EMID1: variants seen among roughly 807,000 people sequenced by gnomAD.
EMID1 encodes EMI domain containing 1.
In EMID1, 40 loss-of-function variants were observed where a neutral mutation model predicts 60.6. The observed-to-expected ratio is 0.66, with a 90% confidence interval of 0.51 to 0.86. The LOEUF is 0.86. EMID1 is among the 40% of genes least tolerant of loss of function. EMID1 has a pLI of 0.00. For synonymous variants in EMID1, 242 were observed against 231.0 expected, an observed-to-expected ratio of 1.05 and a Z score of -0.43; for missense variants, 585 against 597.1, an observed-to-expected ratio of 0.98 and a Z score of 0.21.
At chr22:29,233,723 A>G in intron 10 of EMID1, 57 bp downstream of exon 10, 1 of 1,467,296 alleles carries the variant, frequency 6.8e-7, no homozygotes, top group Non-Finnish European at 9.5e-7. Context: ...CCATCTATGC[A>G]TACATCCATA....
rs372024486 is a variant in EMID1, at chr22:29,259,326, G to A, written c.*382G>A. On this transcript the variant is annotated 3_prime_UTR_variant, in exon 15 of 15. Transcript: ENST00000334018. ...GGGGGCAGTCTTCCTCCCCCTCCCCGACCAAACCTCGGGGAGCCCTCCTGT... is the reference window on the plus strand; with the variant it reads ...GGGGGCAGTCTTCCTCCCCCTCCCCAACCAAACCTCGGGGAGCCCTCCTGT... 2.5e-4 allele frequency: 58 copies of A among 236,204 alleles called. No homozygotes were observed. The highest frequency in any genetic ancestry group is 3.5e-4 in the African/African-American group (15 of 42,538). The allele number at this position is 236,204 out of a possible 1,614,324, so 14.6% of individuals were successfully genotyped here.
Position 29,254,735 on chromosome 22 carries a change from C to T in EMID1, c.1204+448C>T, listed in dbSNP as rs140147326. On this transcript the variant is annotated intron_variant, in intron 14 of 14. Transcript: ENST00000334018. ...GAGGATTATAGGTAATGGATCCAGA[C>T]TCTAGTCAGCCTTCAGCTCTAGAGA... The T allele has an allele frequency of 2.9e-3, 546 of 185,300 alleles. 2 individuals carry two copies. Among genetic ancestry groups the T allele is most frequent in the Admixed American group, 4.6e-3 (85 of 18,392 alleles). 11.5% of individuals were successfully genotyped at this position (185,300 alleles called of 1,614,324 possible).
At chr22:29,215,281 G>T (rs1166746879) in intron 2 of EMID1, 1 of 985,240 alleles carries the variant, frequency 1.0e-6, no homozygotes, top group Non-Finnish European at 1.2e-6. Context: ...GAGTATTCAC[G>T]CTGGGCTCAG....
intron 12 of EMID1, among the ~76,000 whole-genome samples, chr22:29,236,836 G>A (rs369557692): frequency 8.4e-5 from 12 of 142,582 alleles, no homozygotes; most frequent in African/African-American, 2.4e-4. Flanking sequence ...TTGCTCTGTC[G>A]CCCAGGCTGG....
chr22:29,225,031 C>A, intron 3 of EMID1, 102 bp from the exon 4 acceptor site: 1 of 1,196,294 alleles, frequency 8.4e-7, no homozygotes, highest in Non-Finnish European at 1.2e-6. Context: ...GTGTCCTACG[C>A]TGAGGGCAGT....
chr22:29,257,586 C>T (rs1293315067), intron 14 of EMID1, among the ~76,000 whole-genome samples: 2 of 152,170 alleles, frequency 1.3e-5, no homozygotes, highest in South Asian at 2.1e-4. Context: ...GCCACTCATC[C>T]AGGGCCCCAA....
intron 12 of EMID1, among the ~76,000 whole-genome samples, chr22:29,235,547 G>T: frequency 6.6e-6 from 1 of 150,738 alleles, no homozygotes; most frequent in Non-Finnish European, 1.5e-5. Flanking sequence ...GTCTTCTTTT[G>T]GATTGAGTAC....
At chr22:29,255,208 G>GGGGCCCC in intron 14 of EMID1, 1 of 815,196 alleles carries the variant, frequency 1.2e-6, no homozygotes, top group Non-Finnish European at 1.8e-6. Context: ...TCCCCGCTTG[G>GGGGCCCC]CTCCCCAGCC....
chr22:29,232,909 TCTC>T (rs137878301), intron 8 of EMID1: 2,292 of 183,902 alleles, frequency 0.012, 52 homozygotes, highest in African/African-American at 0.051. Context: ...TTCAGCCTCT[TCTC>T]CACTGTGTTT....
In EMID1 at chr22:29,255,400, G is replaced by A. The variant is rs1009237814; in HGVS notation, c.1204+1113G>A. On this transcript the variant is annotated intron_variant, in intron 14 of 14. Transcript: ENST00000334018. Reference sequence around the variant, plus strand: ...GGGCAGGCAGGGGCAGCCTCTTCCAGGAAGGGCCTGGAAAAGGCCTGGGCA... The same window carrying A: ...GGGCAGGCAGGGGCAGCCTCTTCCAAGAAGGGCCTGGAAAAGGCCTGGGCA... The A allele has an allele frequency of 6.5e-6, 9 of 1,380,230 alleles. No individual in the cohort carries two copies. The African/African-American group carries it at 7.3e-5, about 11-fold the overall frequency. 85.5% of individuals were successfully genotyped at this position (1,380,230 alleles called of 1,614,324 possible).
Position 29,225,167 on chromosome 22 carries a change from G to A in EMID1, c.354G>A (p.Trp118Ter), listed in dbSNP as rs764345683. The A allele has an allele frequency of 3.1e-6, 5 of 1,613,996 alleles. No individual in the cohort carries two copies. The highest frequency in any genetic ancestry group is 4.2e-6 in the Non-Finnish European group (5 of 1,180,018). The change falls in exon 4 of 15, where the codon TGG becomes TGA. Residue 118 changes from tryptophan to a stop codon, truncating the protein, a stop_gained. Transcript: ENST00000334018. LOFTEE classifies it high-confidence loss of function. ...CCTCTGCCTCCTTGGAGCCCATGTG[G>A]TCGGGCAGTACCATGCGGCGGATGG... The part of the protein sequence containing the change: ...AASSASLEPM[W>*]SGSTMRRMAL...
intron 3 of EMID1, chr22:29,216,578 C>T (rs1040326540): frequency 2.7e-5 from 27 of 985,324 alleles, no homozygotes; most frequent in African/African-American, 1.9e-4. Context: ...CACAAATGTG[C>T]GAAAATGTAG....
At chr22:29,249,011 A>G (rs1352182733) in intron 13 of EMID1, among the ~76,000 whole-genome samples, 2 of 152,124 alleles carry the variant, frequency 1.3e-5, no homozygotes, top group Non-Finnish European at 2.9e-5. Context: ...TCTCTCTTAC[A>G]TATTTATAGA....
At chr22:29,228,249 C>T (rs1267804385) in intron 5 of EMID1, among the ~76,000 whole-genome samples, 3 of 151,944 alleles carry the variant, frequency 2.0e-5, no homozygotes, top group African/African-American at 7.3e-5. Context: ...TTGCTTGAAC[C>T]CAGGAGGCAG....
chr22:29,221,904 C>T (rs901906780), intron 3 of EMID1, among the ~76,000 whole-genome samples: 3 of 151,990 alleles, frequency 2.0e-5, no homozygotes, highest in Non-Finnish European at 2.9e-5. Flanking sequence ...AAACTCTTTT[C>T]TTTTTTTAAT....
intron 3 of EMID1, chr22:29,216,535 C>T (rs2040088594): frequency 3.0e-6 from 3 of 985,480 alleles, no homozygotes; most frequent in Non-Finnish European, 3.6e-6. Flanking sequence ...TGAACGTGAA[C>T]ATCAGTCTCA....
intron 1 of EMID1, among the ~76,000 whole-genome samples, chr22:29,210,890 T>C (rs894608475): frequency 2.0e-5 from 3 of 151,766 alleles, no homozygotes; most frequent in African/African-American, 7.3e-5. Context: ...CCTGTATAGA[T>C]ATGTGTGAGA....
At chr22:29,212,025 G>T (rs1004762473) in intron 1 of EMID1, among the ~76,000 whole-genome samples, 3 of 152,190 alleles carry the variant, frequency 2.0e-5, no homozygotes, top group Admixed American at 6.5e-5. Flanking sequence ...TCGCTCTGCT[G>T]CCCAGGCTGG....
intron 3 of EMID1, among the ~76,000 whole-genome samples, chr22:29,219,361 T>C (rs1290222978): frequency 6.6e-6 from 1 of 152,034 alleles, no homozygotes; most frequent in East Asian, 1.9e-4. Context: ...TGCCTCTGCT[T>C]CCCCCTCATA....
Sources: allele counts gnomAD v4.1 joint callset (sites outside exome capture counted in the v4.1 genomes callset), GRCh38; gene constraint gnomAD v4.1.1; transcripts MANE v1.5; gene names NCBI Gene and HGNC (gene_info 2026-07-23, HGNC 2026-07-21).